The following OXNAD1 variants were observed in gnomAD, a reference collection of about 807,000 sequenced individuals.
The protein encoded by OXNAD1 is oxidoreductase NAD-binding domain-containing protein 1.
Under a neutral mutation model 32.9 loss-of-function variants are expected in OXNAD1, and 34 were observed. The observed-to-expected ratio is 1.03, with a 90% CI of 0.79 to 1.38. The LOEUF (loss-of-function observed/expected upper bound fraction) is 1.38, where lower values mean the gene tolerates loss of function less well. Among genes scored for constraint, OXNAD1 ranks in the 40% most tolerant of loss-of-function variants. OXNAD1 has a pLI of 0.00. For missense variants in OXNAD1, 407 were observed against 379.4 expected, an observed-to-expected ratio of 1.07 and a Z score of -0.60; for synonymous variants, 134 against 135.2, an observed-to-expected ratio of 0.99 and a Z score of 0.06.
chr3:16,333,887 C>T (rs180908805), intron 9 of OXNAD1, among the ~76,000 whole-genome samples: 5 of 152,294 alleles, frequency 3.3e-5, no homozygotes, highest in Admixed American at 2.0e-4. Flanking sequence ...AACTACCAGC[C>T]GGGCGTGGTG....
At position 16,327,824 on chromosome 3, in the gene OXNAD1, G is replaced by C. The variant is rs867077334; in HGVS notation, c.*31-9288G>C. Among the ~76,000 whole-genome samples, 1 of 151,846 alleles carries C rather than the reference G, an allele frequency of 6.6e-6. No homozygotes were observed. The highest frequency in any genetic ancestry group is 2.1e-4 in the South Asian group (1 of 4,818). On this transcript the variant is annotated intron_variant, in intron 9 of 9. Transcript: ENST00000435829. The surrounding 1 kb of genome is among the most constrained non-coding windows in gnomAD (Gnocchi z 4.2). ...GCTAGCACAGGGAGAGAGCCCTGAT[G>C]TGAGGCCCCTGCACTGGCTTCCACC...
chr3:16,330,705 G>A (rs971664712), intron 9 of OXNAD1, among the ~76,000 whole-genome samples: 1 of 152,134 alleles, frequency 6.6e-6, no homozygotes, highest in Non-Finnish European at 1.5e-5. Flanking sequence ...TTGTATTTAT[G>A]GCTCTTTTTT....
chr3:16,313,051 C>T (rs2068079077), intron 9 of OXNAD1, among the ~76,000 whole-genome samples: 2 of 145,352 alleles, frequency 1.4e-5, no homozygotes, highest in African/African-American at 5.0e-5. Context: ...CAAGATCCAT[C>T]TTTTTTTTTT....
At chr3:16,295,693 C>G (rs73140451) in intron 6 of OXNAD1, among the ~76,000 whole-genome samples, 6,232 of 152,242 alleles carry the variant, frequency 0.041, 391 homozygotes, top group African/African-American at 0.14. Context: ...CTTTTCCTTT[C>G]ACTTCCTCTT....
intron 1 of OXNAD1, among the ~76,000 whole-genome samples, chr3:16,266,890 A>T (rs902564845): frequency 6.6e-6 from 1 of 152,202 alleles, no homozygotes; most frequent in Non-Finnish European, 1.5e-5. Context: ...CTTGCTGAAG[A>T]TTAGAAAGCA....
At chr3:16,341,859 T>C (rs1025987240), downstream of OXNAD1, among the ~76,000 whole-genome samples, 3 of 152,212 alleles carry the variant, frequency 2.0e-5, no homozygotes, top group African/African-American at 7.2e-5. This position sits in a 1 kb window ranked among gnomAD's most constrained non-coding sequence, Gnocchi z 4.7. Context: ...AAGAGTATGA[T>C]ACCATTTTTG....
In OXNAD1 at chr3:16,271,584, A is replaced by G; in HGVS notation, c.120-75A>G. 2.5e-6 allele frequency: 3 copies of G among 1,199,762 alleles called. No homozygotes were observed. Among genetic ancestry groups the G allele is most frequent in the Non-Finnish European group, 3.5e-6 (3 of 848,638 alleles). 74.3% of individuals were successfully genotyped at this position (1,199,762 alleles called of 1,614,324 possible). A position where few individuals can be genotyped will look rare whatever the true frequency, so the allele number is the denominator to read the frequency against. On this transcript the variant is annotated intron_variant, in intron 3 of 8. Coordinates refer to ENST00000285083, the MANE Select transcript of OXNAD1 (RefSeq NM_138381.5). The surrounding 1 kb of genome is among the most constrained non-coding windows in gnomAD (Gnocchi z 4.6). ...TTACACTGTATTTAGGATAACCATG[A>G]TATTTCAGGAAAAACTAATTTTATT...
downstream of OXNAD1, among the ~76,000 whole-genome samples, chr3:16,310,403 G>A (rs1247382759): frequency 6.6e-6 from 1 of 152,128 alleles, no homozygotes; most frequent in African/African-American, 2.4e-5. Context: ...ACCCTAATAA[G>A]TGAAATATAT....
At position 16,334,144 on chromosome 3, in the gene OXNAD1, G is replaced by A. The variant is rs867336681; in HGVS notation, c.*31-2968G>A. Among the ~76,000 whole-genome samples, 13 of 152,140 alleles carry A rather than the reference G, an allele frequency of 8.5e-5. No individual in the cohort carries two copies. Among genetic ancestry groups the A allele is most frequent in the African/African-American group, 2.9e-4 (12 of 41,416 alleles). On this transcript the variant is annotated intron_variant, in intron 9 of 9. Coordinates refer to the OXNAD1 transcript ENST00000435829. The surrounding 1 kb of genome is among the most constrained non-coding windows in gnomAD (Gnocchi z 4.3). Reference sequence around the variant, plus strand: ...CGTGCCACTGCACTCCAGCCTGGGCGACAGAGCAAGACTCTGTCTCAAAAC... The same window carrying A: ...CGTGCCACTGCACTCCAGCCTGGGCAACAGAGCAAGACTCTGTCTCAAAAC...
chr3:16,313,117 C>G (rs1210251909), intron 9 of OXNAD1, among the ~76,000 whole-genome samples: 2 of 151,236 alleles, frequency 1.3e-5, no homozygotes, highest in Non-Finnish European at 2.9e-5. Context: ...GTGCCCACAG[C>G]TCACTGCACC....
chr3:16,313,650 C>T (rs2068127164), intron 9 of OXNAD1: 1 of 152,156 alleles, frequency 6.6e-6, no homozygotes, highest in Non-Finnish European at 1.5e-5. Context: ...CATTTCACCC[C>T]ATTTCACACT....
At chr3:16,268,371 C>G (rs113605524) in intron 1 of OXNAD1, among the ~76,000 whole-genome samples, 18,526 of 124,490 alleles carry the variant, frequency 0.15, 1,383 homozygotes, top group Middle Eastern at 0.23. Flanking sequence ...CTCTTGTTGC[C>G]CAGGCTGGAG....
chr3:16,282,650 G>C (rs1324708641), intron 4 of OXNAD1, among the ~76,000 whole-genome samples: 5 of 151,978 alleles, frequency 3.3e-5, no homozygotes, highest in African/African-American at 1.2e-4. Flanking sequence ...CAGAAGGTTG[G>C]TAGAACTGAG....
At chr3:16,340,819 A>G (rs1203123779), downstream of OXNAD1, among the ~76,000 whole-genome samples, 1 of 152,220 alleles carries the variant, frequency 6.6e-6, no homozygotes, top group African/African-American at 2.4e-5. Flanking sequence ...TTTCCGTGGG[A>G]TAAAAATTCC....
Position 16,304,939 on chromosome 3 carries a change from A to C in OXNAD1, c.*1377A>C, listed in dbSNP as rs2067440127. The stretch of plus-strand genomic sequence containing the variant: ...AGTTTTAAGCAGAGATCATTTGTCA[A>C]CTATTTTGATCCCAGATTTGAATTT... On this transcript the variant is annotated 3_prime_UTR_variant, in exon 9 of 9. Coordinates refer to ENST00000285083, the MANE Select transcript of OXNAD1 (RefSeq NM_138381.5). The surrounding 1 kb of genome is among the most constrained non-coding windows in gnomAD (Gnocchi z 4.6). 1 of 152,274 alleles carries C rather than the reference A, an allele frequency of 6.6e-6. No individual in the cohort carries two copies. Among genetic ancestry groups the C allele is most frequent in the Non-Finnish European group, 1.5e-5 (1 of 68,084 alleles). The allele number at this position is 152,274 out of a possible 1,614,324, so 9.4% of individuals were successfully genotyped here.
rs551308456 is a variant in OXNAD1, at chr3:16,272,434, CT to C, written c.183+713del. The C allele has an allele frequency of 3.8e-3, 380 of 99,898 alleles. 2 individuals carry two copies. The highest frequency in any genetic ancestry group is 0.025 in the African/African-American group (329 of 13,204). The allele number at this position is 99,898 out of a possible 1,614,324, so 6.2% of individuals were successfully genotyped here. On this transcript the variant is annotated intron_variant, in intron 4 of 8. Transcript: ENST00000285083. The stretch of plus-strand genomic sequence containing the variant: ...GCTTAGTGTTATAAGTATATGTAAG[CT>C]AACAATAAAAAAACTATTTCATGTA...
Position 16,344,844 on chromosome 3 carries a change from G to C in OXNAD1, c.*31-4332G>C, listed in dbSNP as rs1454934361. Among the ~76,000 whole-genome samples the C allele has an allele frequency of 6.6e-6, 1 of 152,180 alleles. No individual in the cohort carries two copies. The highest frequency in any genetic ancestry group is 1.5e-5 in the Non-Finnish European group (1 of 68,030). ...TTCAAAGAACATATTTCAAGGAGTG[G>C]TAGTGAGTGAACACATAACTACAAG... On this transcript the variant is annotated intron_variant, in intron 9 of 9. Coordinates refer to the OXNAD1 transcript ENST00000606098. The surrounding 1 kb of genome is among the most constrained non-coding windows in gnomAD (Gnocchi z 4.4).
At position 16,284,555 on chromosome 3, in the gene OXNAD1, G is replaced by T. The variant is rs897225831; in HGVS notation, c.184-1787G>T. Among the ~76,000 whole-genome samples, 1 of 152,190 alleles carries T rather than the reference G, an allele frequency of 6.6e-6. No individual in the cohort carries two copies. Among genetic ancestry groups the T allele is most frequent in the Non-Finnish European group, 1.5e-5 (1 of 68,042 alleles). Reference sequence around the variant, plus strand: ...AACATAGAAAAATAGTAAAAATCTGGTATTATGGGATCACCTTGTATATGT... The same window carrying T: ...AACATAGAAAAATAGTAAAAATCTGTTATTATGGGATCACCTTGTATATGT... On this transcript the variant is annotated intron_variant, in intron 4 of 8. Transcript: ENST00000285083. This position sits in a 1 kb window ranked among gnomAD's most constrained non-coding sequence, Gnocchi z 4.1.
chr3:16,294,930 A>AAG lies in OXNAD1; in HGVS notation c.372_373dup (p.Val125GlufsTer2). ...TGCTCCAGTCCCAGACTGCTAGAAC[A>AAG]AGAGAGAGTGATAGAATTGGCAGTG... is the stretch of plus-strand genomic sequence containing the variant. On this transcript the variant is annotated frameshift_variant, in exon 6 of 9. Transcript: ENST00000285083. LOFTEE classifies it high-confidence loss of function. The AAG allele has an allele frequency of 1.2e-6, 2 of 1,613,700 alleles. No homozygotes were observed. Among genetic ancestry groups the AAG allele is most frequent in the Non-Finnish European group, 1.7e-6 (2 of 1,179,736 alleles).
Sources: allele counts gnomAD v4.1 joint callset (sites outside exome capture counted in the v4.1 genomes callset), GRCh38; gene constraint gnomAD v4.1.1; non-coding constraint Gnocchi (gnomAD v3.1); transcripts MANE v1.5; gene names NCBI Gene and HGNC (gene_info 2026-07-23, HGNC 2026-07-21).